Variants in ZBTB40 observed in about 807,000 individuals in gnomAD.
The protein encoded by ZBTB40 is zinc finger and BTB domain containing 40.
ZBTB40 carries 60 observed loss-of-function variants against 117.5 expected under a neutral mutation model. The ratio of observed to expected loss-of-function variants is 0.51; its 90% CI spans 0.41 to 0.63. The LOEUF (loss-of-function observed/expected upper bound fraction) is 0.63. Ranked by LOEUF, ZBTB40 falls within the 30% of genes least tolerant of loss-of-function variation. The pLI, the probability that ZBTB40 is intolerant of heterozygous loss-of-function variation, is 0.00. For missense variants in ZBTB40, 1,287 were observed against 1,498.5 expected (o/e 0.86, Z 2.33); for synonymous variants, 525 against 577.1 (o/e 0.91, Z 1.29).
Position 22,529,841 on chromosome 1 carries a change from A to T in ZBTB40, c.*3445A>T, listed in dbSNP as rs1192191010. On this transcript the variant is annotated 3_prime_UTR_variant, in exon 18 of 18. Transcript: ENST00000375647. ...CATGCCTCGGGCTAGAGTTCTGATA[A>T]TCGGGGCTGAGGGGTGAAAAGAAAT... 6.6e-6 allele frequency: 1 copy of T among 152,098 alleles called. No homozygotes were observed. The highest frequency in any genetic ancestry group is 1.9e-4 in the East Asian group (1 of 5,256). The allele number at this position is 152,098 out of a possible 1,614,324, so 9.4% of individuals were successfully genotyped here.
At chr1:22,458,262 C>G (rs1569772168) in intron 1 of ZBTB40, among the ~76,000 whole-genome samples, 1 of 152,292 alleles carries the variant, frequency 6.6e-6, no homozygotes, top group East Asian at 1.9e-4. Flanking sequence ...ATGTGATTCC[C>G]TTGCTTTAAA....
At chr1:22,439,030 G>A (rs1640703387) in intron 1 of ZBTB40, among the ~76,000 whole-genome samples, 1 of 152,056 alleles carries the variant, frequency 6.6e-6, no homozygotes, top group Non-Finnish European at 1.5e-5. Context: ...ACCACGTCCA[G>A]CTAATTTTTG....
At chr1:22,443,771 G>T (rs960213932) in intron 1 of ZBTB40, among the ~76,000 whole-genome samples, 1 of 152,130 alleles carries the variant, frequency 6.6e-6, no homozygotes, top group Non-Finnish European at 1.5e-5. Context: ...AAAATACTTT[G>T]ATTTCCTTCA....
intron 1 of ZBTB40, among the ~76,000 whole-genome samples, chr1:22,485,994 TA>T (rs35098700): frequency 0.19 from 28,206 of 148,524 alleles, 2,862 homozygotes; most frequent in African/African-American, 0.25. Flanking sequence ...ATCATAGTCT[TA>T]AAAAAAAAAA....
intron 1 of ZBTB40, among the ~76,000 whole-genome samples, chr1:22,487,555 C>G (rs1256250185): frequency 6.6e-6 from 1 of 152,086 alleles, no homozygotes; most frequent in East Asian, 1.9e-4. Context: ...AATTGTTTCT[C>G]TCTGTCCTTC....
Position 22,520,285 on chromosome 1 carries a change from G to C in ZBTB40, c.3048+10G>C. ...CAACAAGGCCTACCAGGTGACCTCA[G>C]GTGCCACTGGGAGCTCTTCCCCTCA... On this transcript the variant is annotated intron_variant, in intron 14 of 17. Transcript: ENST00000375647. 3 of 1,606,766 alleles carry C rather than the reference G, an allele frequency of 1.9e-6. No homozygotes were observed. Among genetic ancestry groups the C allele is most frequent in the East Asian group, 2.2e-5 (1 of 44,872 alleles).
chr1:22,512,799 C>G, intron 11 of ZBTB40, 125 bp from the exon 12 acceptor site: 1 of 1,134,970 alleles, frequency 8.8e-7, no homozygotes, highest in Non-Finnish European at 1.3e-6. Flanking sequence ...GCCTGGCACC[C>G]TGGGCTTCAT....
upstream of ZBTB40, among the ~76,000 whole-genome samples, chr1:22,451,646 C>CAA (rs1382781395): frequency 1.9e-5 from 2 of 107,034 alleles, no homozygotes; most frequent in Admixed American, 9.6e-5. Context: ...TCTCCCATCT[C>CAA]AAAAAAAAAA....
intron 3 of ZBTB40, among the ~76,000 whole-genome samples, chr1:22,494,611 G>C (rs1031310001): frequency 3.3e-5 from 5 of 152,200 alleles, no homozygotes; most frequent in Admixed American, 6.5e-5. Flanking sequence ...AAAACTCTTA[G>C]TGTGTGATGG....
intron 7 of ZBTB40, 29 bp from the exon 8 acceptor site, chr1:22,508,501 T>TA: frequency 6.2e-7 from 1 of 1,613,568 alleles, no homozygotes; most frequent in Non-Finnish European, 8.5e-7. Context: ...GAGAGTCTCT[T>TA]ACGTGAGTGT....
At chr1:22,468,176 T>A (rs1383670124) in intron 1 of ZBTB40, among the ~76,000 whole-genome samples, 1 of 151,934 alleles carries the variant, frequency 6.6e-6, no homozygotes, top group East Asian at 1.9e-4. Flanking sequence ...GTGCATTCTC[T>A]CATTTCATCT....
intron 1 of ZBTB40, chr1:22,452,943 A>C (rs1640918351): frequency 6.6e-6 from 1 of 152,310 alleles, no homozygotes; most frequent in Non-Finnish European, 1.5e-5. Context: ...ACGACGCTTT[A>C]TAAGTAAGTA....
At chr1:22,508,991 G>A in intron 8 of ZBTB40, 109 bp from the exon 9 acceptor site, 6 of 1,563,492 alleles carry the variant, frequency 3.8e-6, no homozygotes, top group Admixed American at 1.7e-5. Context: ...CCTCAGATAG[G>A]AGATAGGGGA....
chr1:22,476,865 T>G (rs1641559794), intron 1 of ZBTB40, among the ~76,000 whole-genome samples: 1 of 152,200 alleles, frequency 6.6e-6, no homozygotes, highest in African/African-American at 2.4e-5. Context: ...TAATTTAGGT[T>G]CCCTCTATAC....
At chr1:22,507,457 G>T (rs190631937) in intron 6 of ZBTB40, among the ~76,000 whole-genome samples, 3 of 152,328 alleles carry the variant, frequency 2.0e-5, no homozygotes, top group Admixed American at 2.0e-4. Flanking sequence ...CTGAGCTAAA[G>T]AAAAGGGTAC....
chr1:22,510,966 G>A (rs1223384390), intron 9 of ZBTB40, among the ~76,000 whole-genome samples: 1 of 152,096 alleles, frequency 6.6e-6, no homozygotes, highest in African/African-American at 2.4e-5. Flanking sequence ...CATTTATCTG[G>A]ATACATGCTT....
At chr1:22,492,981 G>A (rs889986820) in intron 3 of ZBTB40, among the ~76,000 whole-genome samples, 1 of 152,162 alleles carries the variant, frequency 6.6e-6, no homozygotes, top group African/African-American at 2.4e-5. Flanking sequence ...TGGCTACAGA[G>A]GAGTAACGTT....
chr1:22,471,366 T>C (rs1347288888), intron 1 of ZBTB40, among the ~76,000 whole-genome samples: 1 of 152,208 alleles, frequency 6.6e-6, no homozygotes, highest in East Asian at 1.9e-4. Flanking sequence ...AGCCCAGAAA[T>C]ACTGTCAGCC....
At chr1:22,511,636 CAGAG>C in intron 10 of ZBTB40, 36 bp from the exon 11 acceptor site, 5 of 1,599,634 alleles carry the variant, frequency 3.1e-6, no homozygotes, top group Non-Finnish European at 4.3e-6. Flanking sequence ...AAAATAGAAA[CAGAG>C]AGTTCGCAGA....
Sources: gnomAD v4.1 joint callset for allele counts (sites outside exome capture counted in the v4.1 genomes callset) on GRCh38, gnomAD v4.1.1 for gene constraint, MANE v1.5 for transcripts, NCBI Gene and HGNC (gene_info 2026-07-23, HGNC 2026-07-21) for gene names.